Variants in PCNX1 observed in about 807,000 individuals in gnomAD.
PCNX1 encodes the protein pecanex 1.
Under a neutral mutation model 242.2 loss-of-function variants are expected in PCNX1, and 78 were observed. The observed-to-expected ratio is 0.32, with a 90% CI of 0.27 to 0.39. The LOEUF (loss-of-function observed/expected upper bound fraction) is 0.39, where lower values mean the gene tolerates loss of function less well. Ranked by LOEUF, PCNX1 falls within the 10% of genes least tolerant of loss-of-function variation. PCNX1 has a pLI of 1.00. For synonymous variants in PCNX1, 1,024 were observed against 1,032.9 expected (o/e 0.99, Z 0.17); for missense variants, 2,581 against 2,856.5 (o/e 0.90, Z 2.20).
intron 2 of PCNX1, among the ~76,000 whole-genome samples, chr14:70,949,855 A>G (rs1221211238): frequency 6.6e-6 from 1 of 152,248 alleles, no homozygotes; most frequent in Non-Finnish European, 1.5e-5. Context: ...AAAATTTGTG[A>G]ACACTTGACA....
At chr14:71,046,693 G>C (rs1239671514) in intron 20 of PCNX1, among the ~76,000 whole-genome samples, 3 of 151,964 alleles carry the variant, frequency 2.0e-5, no homozygotes, top group African/African-American at 7.2e-5. Context: ...TTTTCAATAA[G>C]TTATAAGCAT....
chr14:71,099,583 G>A (rs7154395), intron 30 of PCNX1, among the ~76,000 whole-genome samples: 81,750 of 152,076 alleles, frequency 0.54, 22,930 homozygotes, highest in East Asian at 0.74. Context: ...TATTCTGTAG[G>A]TGTCTATTAG....
At chr14:70,944,140 A>G (rs1051969364) in intron 1 of PCNX1, among the ~76,000 whole-genome samples, 1 of 152,170 alleles carries the variant, frequency 6.6e-6, no homozygotes, top group African/African-American at 2.4e-5. Flanking sequence ...ACAGAGCTGT[A>G]AGAAGAGGGC....
intron 2 of PCNX1, among the ~76,000 whole-genome samples, chr14:70,959,498 C>G (rs368004145): frequency 6.7e-6 from 1 of 150,176 alleles, no homozygotes; most frequent in East Asian, 2.0e-4. Context: ...TTTGTTCTTG[C>G]GATAGTTTAC....
intron 7 of PCNX1, 45 bp from the exon 8 acceptor site, chr14:70,995,696 T>A (rs762234413): frequency 6.5e-7 from 1 of 1,548,460 alleles, no homozygotes; most frequent in Admixed American, 1.7e-5. Context: ...TATTGTTTTC[T>A]CTTTTCTTCC....
intron 12 of PCNX1, among the ~76,000 whole-genome samples, chr14:71,021,388 A>G (rs534643359): frequency 6.6e-6 from 1 of 152,180 alleles, no homozygotes; most frequent in African/African-American, 2.4e-5. Context: ...CTTCCTATCC[A>G]TGAGCATGGA....
intron 25 of PCNX1, among the ~76,000 whole-genome samples, chr14:71,057,175 C>A (rs555882754): frequency 6.6e-6 from 1 of 152,168 alleles, no homozygotes; most frequent in African/African-American, 2.4e-5. Flanking sequence ...TTCCTCATTT[C>A]TCTTCCATGG....
rs762210610 is a variant in PCNX1 at position 71,034,041 on chromosome 14, G to GT, written c.3774+9dup. 3 of 1,475,240 alleles carry GT rather than the reference G, an allele frequency of 2.0e-6. No individual in the cohort carries two copies. Among genetic ancestry groups the GT allele is most frequent in the Non-Finnish European group, 2.8e-6 (3 of 1,058,084 alleles). The allele number at this position is 1,475,240 out of a possible 1,614,324, so 91.4% of individuals were successfully genotyped here. On this transcript the variant is annotated splice_donor_region_variant and intron_variant, in intron 18 of 35. Transcript: ENST00000304743. The stretch of plus-strand genomic sequence containing the variant: ...GAAAAACTTAGAAATTCTGTTGTAA[G>GT]TTTTAACATTTAGAATCACCTAAAA...
Position 71,050,778 on chromosome 14 carries a change from G to A in PCNX1, c.4447+18G>A, listed in dbSNP as rs1183404236. 21 of 1,606,688 alleles carry A rather than the reference G, an allele frequency of 1.3e-5. No individual in the cohort carries two copies. Among genetic ancestry groups the A allele is most frequent in the Non-Finnish European group, 1.7e-5 (20 of 1,176,974 alleles). ...AGTGCCTCGTATCCTTCTAATTAAA[G>A]TTTTATAAGAATGGACAGTCATATC... On this transcript the variant is annotated intron_variant, in intron 23 of 35. Transcript: ENST00000304743.
chr14:70,942,153 A>C (rs1450137716), intron 1 of PCNX1, among the ~76,000 whole-genome samples: 1 of 152,046 alleles, frequency 6.6e-6, no homozygotes, highest in East Asian at 1.9e-4. Context: ...GGCCCCAGTG[A>C]GGTGAACCCT....
intron 1 of PCNX1, among the ~76,000 whole-genome samples, chr14:70,923,186 A>G (rs1022117668): frequency 1.3e-5 from 2 of 152,014 alleles, no homozygotes; most frequent in African/African-American, 4.8e-5. Flanking sequence ...TGAGAGTTCT[A>G]TATATATGTA....
At chr14:70,933,161 C>G (rs577243082) in intron 1 of PCNX1, among the ~76,000 whole-genome samples, 43 of 152,248 alleles carry the variant, frequency 2.8e-4, no homozygotes, top group African/African-American at 1.0e-3. Flanking sequence ...GTTGAATGTG[C>G]CTTGATTTCA....
chr14:71,049,646 A>G (rs1211308943), intron 22 of PCNX1, among the ~76,000 whole-genome samples: 1 of 152,110 alleles, frequency 6.6e-6, no homozygotes, highest in African/African-American at 2.4e-5. Context: ...CATGATCCTG[A>G]TTATATTAGT....
At position 71,060,330 on chromosome 14, in the gene PCNX1, TTATTA is replaced by T. The variant is rs770997748; in HGVS notation, c.4852+2613_4852+2617del. Among the ~76,000 whole-genome samples, 185 of 152,320 alleles carry T rather than the reference TTATTA, an allele frequency of 1.2e-3. No individual in the cohort carries two copies. The Middle Eastern group carries it at 0.014, about 11-fold the overall frequency. On this transcript the variant is annotated intron_variant, in intron 26 of 35. Transcript: ENST00000304743. ...ATAATGATAATAAACAACTATGTGT[TTATTA>T]TATTATGCTATACTTTTTATGGTTA...
chr14:71,048,545 C>T (rs1414714567), intron 22 of PCNX1, among the ~76,000 whole-genome samples: 1 of 152,182 alleles, frequency 6.6e-6, no homozygotes, highest in East Asian at 1.9e-4. Flanking sequence ...AATCACACTA[C>T]CTTTCTCAGT....
At chr14:71,077,655 GATAAAAT>G (rs1167336308) in intron 28 of PCNX1, among the ~76,000 whole-genome samples, 1 of 152,060 alleles carries the variant, frequency 6.6e-6, no homozygotes, top group African/African-American at 2.4e-5. Context: ...TAGTGAGTTG[GATAAAAT>G]AACCTCACAA....
At chr14:70,989,335 A>G (rs142471351) in intron 7 of PCNX1, among the ~76,000 whole-genome samples, 1 of 151,886 alleles carries the variant, frequency 6.6e-6, no homozygotes, top group African/African-American at 2.4e-5. Context: ...AAACAAAAAC[A>G]TCATTACTTT....
At chr14:71,008,644 A>T in intron 8 of PCNX1, among the ~76,000 whole-genome samples, 1 of 128,254 alleles carries the variant, frequency 7.8e-6, no homozygotes, top group Non-Finnish European at 1.6e-5. Context: ...TGACAGAGCG[A>T]GACTCTGTCT....
intron 5 of PCNX1, 149 bp from the exon 6 acceptor site, chr14:70,976,793 C>A: frequency 1.5e-6 from 1 of 672,064 alleles, no homozygotes; most frequent in Non-Finnish European, 2.5e-6. Flanking sequence ...CTTTGTGCAG[C>A]TGTGAAACAG....
Sources: allele counts gnomAD v4.1 joint callset (sites outside exome capture counted in the v4.1 genomes callset), GRCh38; gene constraint gnomAD v4.1.1; transcripts MANE v1.5; gene names NCBI Gene and HGNC (gene_info 2026-07-23, HGNC 2026-07-21).